The following BMPR1B variants were observed in gnomAD, a reference collection of about 807,000 sequenced individuals.
The protein encoded by BMPR1B is bone morphogenetic protein receptor type 1B.
A neutral mutation model predicts 59.1 loss-of-function variants in BMPR1B; 12 were observed. The ratio of observed to expected loss-of-function variants is 0.20; its 90% CI spans 0.13 to 0.33. The LOEUF is 0.33. Ranked by LOEUF, BMPR1B falls within the 10% of genes least tolerant of loss-of-function variation. BMPR1B has a pLI of 1.00. For synonymous variants in BMPR1B, 237 were observed against 207.3 expected (o/e 1.14, Z -1.23); for missense variants, 550 against 610.9 (o/e 0.90, Z 1.05).
chr4:95,144,214 G>A (rs1405807240), intron 10 of BMPR1B, among the ~76,000 whole-genome samples: 2 of 152,062 alleles, frequency 1.3e-5, no homozygotes, highest in Non-Finnish European at 2.9e-5. Context: ...TCCCTCTGTT[G>A]CCCAGGCTAG....
chr4:94,881,686 G>A lies in BMPR1B; in HGVS notation c.-113+5786G>A, dbSNP rs577501496. 2.0e-5 allele frequency among the ~76,000 whole-genome samples: 3 copies of A among 152,032 alleles called. No homozygotes were observed. The East Asian group carries it at 5.8e-4, about 30-fold the overall frequency. ...TCATCACATTGGCCAGGCTGGTCTC[G>A]GACTCCTGACCTCGGTGATTCTCCC... On this transcript the variant is annotated intron_variant, in intron 2 of 12. Coordinates refer to ENST00000515059, the MANE Select transcript of BMPR1B (RefSeq NM_001203.3).
chr4:94,870,826 C>T (rs2148967374), intron 1 of BMPR1B, among the ~76,000 whole-genome samples: 1 of 152,232 alleles, frequency 6.6e-6, no homozygotes, highest in Middle Eastern at 3.4e-3. Flanking sequence ...TACCCTGCCT[C>T]AGAGTTTGGA....
At chr4:94,994,190 C>T (rs1721919319) in intron 2 of BMPR1B, among the ~76,000 whole-genome samples, 2 of 152,146 alleles carry the variant, frequency 1.3e-5, no homozygotes, top group African/African-American at 4.8e-5. Flanking sequence ...TCTATAAAAC[C>T]CAAGTTTGTC....
At chr4:94,911,571 AT>A (rs1294164138) in intron 2 of BMPR1B, among the ~76,000 whole-genome samples, 1 of 152,122 alleles carries the variant, frequency 6.6e-6, no homozygotes, top group Non-Finnish European at 1.5e-5. Context: ...GTTTCTGGAA[AT>A]TCAGAAAATT....
At chr4:94,857,286 GACA>G (rs1164115537) in intron 1 of BMPR1B, among the ~76,000 whole-genome samples, 1 of 152,152 alleles carries the variant, frequency 6.6e-6, no homozygotes, top group Non-Finnish European at 1.5e-5. Context: ...TTAAGCAAAT[GACA>G]ACATACTTTT....
rs564684916 is a variant in BMPR1B at position 95,158,306 on chromosome 4, C to G, written c.*3633C>G. 1 of 152,238 alleles carries G rather than the reference C, an allele frequency of 6.6e-6. No individual in the cohort carries two copies. Among genetic ancestry groups the G allele is most frequent in the South Asian group, 2.1e-4 (1 of 4,824 alleles). 9.4% of individuals were successfully genotyped at this position (152,238 alleles called of 1,614,324 possible). ...AGACTCATTTGTTCTTTTGGGGGAA[C>G]CAGTGCCTTACAGATTTTGTATATA... On this transcript the variant is annotated 3_prime_UTR_variant, in exon 13 of 13. Transcript: ENST00000515059.
intron 3 of BMPR1B, among the ~76,000 whole-genome samples, chr4:95,025,151 G>A (rs1297345514): frequency 1.3e-5 from 2 of 152,126 alleles, no homozygotes; most frequent in Non-Finnish European, 2.9e-5. Context: ...TTAGTTTTGG[G>A]TGTGTGGGGA....
chr4:95,139,644 C>G (rs1579148766), intron 10 of BMPR1B, among the ~76,000 whole-genome samples: 1 of 152,322 alleles, frequency 6.6e-6, no homozygotes, highest in Non-Finnish European at 1.5e-5. Flanking sequence ...TCGCTGCCGC[C>G]TTGCAGTTCA....
chr4:94,966,176 G>GTTTCTGTTTTACAACAGTTAC (rs1465549308), intron 2 of BMPR1B, among the ~76,000 whole-genome samples: 1 of 152,152 alleles, frequency 6.6e-6, no homozygotes, highest in African/African-American at 2.4e-5. Context: ...ACTTAGTACT[G>GTTTCTGTTTTACAACAGTTAC]TGTTGTTTCT....
At chr4:94,965,080 A>C (rs559060226) in intron 2 of BMPR1B, among the ~76,000 whole-genome samples, 2 of 152,214 alleles carry the variant, frequency 1.3e-5, no homozygotes, top group Non-Finnish European at 2.9e-5. Context: ...TGATGTGCGG[A>C]GCTTCCCAGT....
At chr4:95,123,352 A>G (rs1732661765) in intron 6 of BMPR1B, among the ~76,000 whole-genome samples, 1 of 152,166 alleles carries the variant, frequency 6.6e-6, no homozygotes, top group Non-Finnish European at 1.5e-5. Flanking sequence ...AGATGACTTT[A>G]TATACAACGA....
intron 3 of BMPR1B, among the ~76,000 whole-genome samples, chr4:95,078,959 A>G (rs769374702): frequency 4.6e-5 from 7 of 152,074 alleles, no homozygotes; most frequent in Non-Finnish European, 8.8e-5. Context: ...GGGATTCACC[A>G]TGTTGCCCAG....
intron 3 of BMPR1B, among the ~76,000 whole-genome samples, chr4:95,076,742 G>A (rs894083798): frequency 4.6e-5 from 7 of 152,022 alleles, no homozygotes; most frequent in Non-Finnish European, 7.4e-5. Context: ...TGCAACTAAG[G>A]TAGAGTAAAA....
chr4:95,067,624 G>A (rs1029874954), intron 3 of BMPR1B, among the ~76,000 whole-genome samples: 1 of 152,188 alleles, frequency 6.6e-6, no homozygotes, highest in Non-Finnish European at 1.5e-5. Context: ...AATAATAGAC[G>A]TGTTGAAAAC....
chr4:95,096,348 A>T (rs1035529773), intron 3 of BMPR1B, among the ~76,000 whole-genome samples: 39 of 151,826 alleles, frequency 2.6e-4, no homozygotes, highest in Non-Finnish European at 2.4e-4. Context: ...AAGAAAAATA[A>T]CTTCCTTTTT....
intron 2 of BMPR1B, among the ~76,000 whole-genome samples, chr4:94,880,804 TTTTATATTTTTA>T (rs1274641072): frequency 2.6e-5 from 4 of 151,756 alleles, no homozygotes; most frequent in Admixed American, 2.6e-4. Flanking sequence ...CCCAGCTAAT[TTTTATATTTTTA>T]GTAGAGACGG....
At chr4:95,099,847 T>C (rs560368949) in intron 3 of BMPR1B, among the ~76,000 whole-genome samples, 1 of 152,268 alleles carries the variant, frequency 6.6e-6, no homozygotes, top group South Asian at 2.1e-4. Context: ...AAGATGAGGA[T>C]TTAGTTATTT....
intron 2 of BMPR1B, among the ~76,000 whole-genome samples, chr4:94,987,409 G>C (rs939384420): frequency 2.0e-5 from 3 of 151,286 alleles, no homozygotes; most frequent in African/African-American, 7.3e-5. Context: ...CCACATTCCT[G>C]TTTTCACTGC....
At chr4:94,892,245 G>T (rs963377504) in intron 2 of BMPR1B, among the ~76,000 whole-genome samples, 1 of 152,070 alleles carries the variant, frequency 6.6e-6, no homozygotes, top group African/African-American at 2.4e-5. Flanking sequence ...CCACAGGGTG[G>T]TTGGTCTGGG....
Sources: allele counts gnomAD v4.1 joint callset (sites outside exome capture counted in the v4.1 genomes callset), GRCh38; gene constraint gnomAD v4.1.1; transcripts MANE v1.5; gene names NCBI Gene and HGNC (gene_info 2026-07-23, HGNC 2026-07-21).